NRXN3: variants seen among roughly 807,000 people sequenced by gnomAD.
NRXN3 encodes neurexin III.
A neutral mutation model predicts 137.6 loss-of-function variants in NRXN3; 32 were observed. The observed-to-expected ratio is 0.23, with a 90% CI of 0.18 to 0.31. NRXN3 has a LOEUF of 0.31. Ranked by LOEUF, NRXN3 falls within the 10% of genes least tolerant of loss-of-function variation. The probability of loss-of-function intolerance (pLI) is 1.00; values close to 1 mark genes in which losing one functional copy is unlikely to be tolerated. For missense variants in NRXN3, 1,574 were observed against 2,062.5 expected (o/e 0.76, Z 4.59); for synonymous variants, 798 against 784.5 (o/e 1.02, Z -0.29).
Position 78,243,945 on chromosome 14 carries a change from A to G in NRXN3, c.709+143A>G, listed in dbSNP as rs1596313322. The G allele has an allele frequency of 7.7e-6, 5 of 649,322 alleles. No homozygotes were observed. The East Asian group carries it at 1.4e-4, about 18-fold the overall frequency. The allele number at this position is 649,322 out of a possible 1,614,324, so 40.2% of individuals were successfully genotyped here. A position where few individuals can be genotyped will look rare whatever the true frequency, so the allele number is the denominator to read the frequency against. ...GCCCCTTGCCCTAAGGAGGCAGTGG[A>G]AATCCTTTGCCTACTCTTAATGGAG... On this transcript the variant is annotated intron_variant, in intron 2 of 20. Coordinates refer to ENST00000335750, the MANE Select transcript of NRXN3 (RefSeq NM_001330195.2). The surrounding 1 kb of genome is among the most constrained non-coding windows in gnomAD (Gnocchi z 4.2).
intron 15 of NRXN3, among the ~76,000 whole-genome samples, chr14:79,269,145 G>A (rs1009218130): frequency 1.3e-5 from 2 of 152,102 alleles, no homozygotes; most frequent in Non-Finnish European, 2.9e-5. Flanking sequence ...CGCCTCCCGG[G>A]TTCACGCCAT....
At chr14:78,619,934 T>A (rs1310890638) in intron 4 of NRXN3, among the ~76,000 whole-genome samples, 1 of 152,052 alleles carries the variant, frequency 6.6e-6, no homozygotes, top group Non-Finnish European at 1.5e-5. Flanking sequence ...CATCTACAAA[T>A]CAGAAAGAGG....
At position 78,175,235 on chromosome 14, in the gene NRXN3, T is replaced by G. The variant is rs554105598; in HGVS notation, c.-704+4561T>G. Among the ~76,000 whole-genome samples the G allele has an allele frequency of 7.9e-5, 12 of 152,330 alleles. No homozygotes were observed. The South Asian group carries it at 2.5e-3, about 32-fold the overall frequency. ...AGAGCAAAATGCTGATGGTCTTACC[T>G]TTCTAGCATCCCTCTCCCTTCTTGG... On this transcript the variant is annotated intron_variant, in intron 1 of 20. Coordinates refer to ENST00000335750, the MANE Select transcript of NRXN3 (RefSeq NM_001330195.2).
intron 4 of NRXN3, among the ~76,000 whole-genome samples, chr14:78,597,028 A>G (rs2097162823): frequency 6.6e-6 from 1 of 152,168 alleles, no homozygotes; most frequent in Admixed American, 6.5e-5. Context: ...CCTGATCAAC[A>G]GAGAGAGAGT....
chr14:79,508,390 A>ATTTCTGATTTTTTTTTTTTTTTTTTT (rs1555494789), intron 16 of NRXN3, among the ~76,000 whole-genome samples: 1 of 48,240 alleles, frequency 2.1e-5, no homozygotes, highest in African/African-American at 7.3e-5. Context: ...ACAATAACTG[A>ATTTCTGATTTTTTTTTTTTTTTTTTT]TTTTTTTTTT....
At chr14:78,211,871 G>T (rs1448699756) in intron 1 of NRXN3, among the ~76,000 whole-genome samples, 1 of 152,210 alleles carries the variant, frequency 6.6e-6, no homozygotes, top group Non-Finnish European at 1.5e-5. Context: ...TGTCTTCATG[G>T]TATAAGTGGT....
At chr14:79,585,584 C>A (rs2097758076) in intron 16 of NRXN3, among the ~76,000 whole-genome samples, 1 of 149,084 alleles carries the variant, frequency 6.7e-6, no homozygotes, top group South Asian at 2.1e-4. Flanking sequence ...ACTCAGGACG[C>A]TGAGGCAGGA....
chr14:78,665,358 A>G (rs899372233), intron 6 of NRXN3, among the ~76,000 whole-genome samples: 3 of 152,156 alleles, frequency 2.0e-5, no homozygotes, highest in Non-Finnish European at 4.4e-5. Flanking sequence ...TTAACATGGC[A>G]GCAGCAAGGA....
At chr14:78,498,444 G>A (rs577880550) in intron 4 of NRXN3, among the ~76,000 whole-genome samples, 55 of 152,304 alleles carry the variant, frequency 3.6e-4, no homozygotes, top group African/African-American at 1.3e-3. Flanking sequence ...TGGGATCCCA[G>A]TAGGGAACTA....
chr14:78,448,528 G>T (rs184677005), intron 4 of NRXN3, among the ~76,000 whole-genome samples: 12 of 152,322 alleles, frequency 7.9e-5, no homozygotes, highest in African/African-American at 2.6e-4. Flanking sequence ...TTTTTCCTAG[G>T]CTAGTCCTGG....
chr14:79,690,944 A>C (rs2098714281), intron 17 of NRXN3, among the ~76,000 whole-genome samples: 1 of 151,956 alleles, frequency 6.6e-6, no homozygotes, highest in African/African-American at 2.4e-5. Flanking sequence ...TTTTTCTTTC[A>C]TTTTTAATAT....
chr14:79,521,166 A>G (rs2097060308), intron 16 of NRXN3, among the ~76,000 whole-genome samples: 1 of 152,084 alleles, frequency 6.6e-6, no homozygotes, highest in Non-Finnish European at 1.5e-5. Context: ...TTTATATCTA[A>G]TTATGTGATA....
At position 78,372,502 on chromosome 14, in the gene NRXN3, T is replaced by G. The variant is rs574405771; in HGVS notation, c.757+74642T>G. Among the ~76,000 whole-genome samples the G allele has an allele frequency of 6.6e-5, 10 of 152,164 alleles. No homozygotes were observed. The South Asian group carries it at 2.1e-3, about 32-fold the overall frequency. On this transcript the variant is annotated intron_variant, in intron 4 of 20. Coordinates refer to ENST00000335750, the MANE Select transcript of NRXN3 (RefSeq NM_001330195.2). ...ACCATGCCTGGCTAATTTTTTTGTATTTTTAGTAGAGATAGGGTTTCACCA... is the reference window on the plus strand; with the variant it reads ...ACCATGCCTGGCTAATTTTTTTGTAGTTTTAGTAGAGATAGGGTTTCACCA...
intron 15 of NRXN3, among the ~76,000 whole-genome samples, chr14:79,182,014 T>G (rs1285194939): frequency 6.6e-6 from 1 of 152,062 alleles, no homozygotes; most frequent in South Asian, 2.1e-4. Flanking sequence ...AAAAGGAAAA[T>G]ATTATTTCCC....
At chr14:79,739,333 A>G (rs2098952567) in intron 19 of NRXN3, among the ~76,000 whole-genome samples, 1 of 152,118 alleles carries the variant, frequency 6.6e-6, no homozygotes, top group South Asian at 2.1e-4. Flanking sequence ...GAGAAATACA[A>G]TTTGGGAGAC....
At chr14:79,431,154 C>A (rs1259603685) in intron 15 of NRXN3, among the ~76,000 whole-genome samples, 2 of 152,074 alleles carry the variant, frequency 1.3e-5, no homozygotes, top group Non-Finnish European at 2.9e-5. Flanking sequence ...AAAAAAAATT[C>A]TTCGTATCTT....
chr14:78,171,396 G>A (rs907882593), intron 1 of NRXN3, among the ~76,000 whole-genome samples: 2 of 151,650 alleles, frequency 1.3e-5, no homozygotes, highest in African/African-American at 2.4e-5. Context: ...CGGTTACAAG[G>A]GAATCTTCCT....
Position 79,697,904 on chromosome 14 carries a change from A to G in NRXN3, c.3981A>G (p.Thr1327=), listed in dbSNP as rs199759620. 5.0e-6 allele frequency: 8 copies of G among 1,612,500 alleles called. No homozygotes were observed. The highest frequency in any genetic ancestry group is 6.8e-6 in the Non-Finnish European group (8 of 1,178,938). ...METTTTMATT[T]TRKNRSTASI... ...CCACTACTACAATGGCGACTACCAC[A>G]ACCCGTAAGAATCGCTCTACAGCCA... Residue 1327 remains threonine, a synonymous_variant, in exon 19 of 21, where the codon ACA becomes ACG. Coordinates refer to ENST00000335750, the MANE Select transcript of NRXN3 (RefSeq NM_001330195.2).
chr14:79,669,028 G>A (rs2098589733), intron 17 of NRXN3: 1 of 151,868 alleles, frequency 6.6e-6, no homozygotes, highest in Admixed American at 6.6e-5. Context: ...TCAGGCCTTG[G>A]GTTTTCATTA....
Sources: gnomAD v4.1 joint callset for allele counts (sites outside exome capture counted in the v4.1 genomes callset) on GRCh38, gnomAD v4.1.1 for gene constraint, Gnocchi (gnomAD v3.1) non-coding constraint, MANE v1.5 for transcripts, NCBI Gene and HGNC (gene_info 2026-07-23, HGNC 2026-07-21) for gene names.